Variants in REPS1 observed in about 807,000 individuals in gnomAD.
REPS1 encodes RALBP1 associated Eps domain containing 1, also known as ralBP1-associated Eps domain-containing protein 1.
A neutral mutation model predicts 100.9 loss-of-function variants in REPS1; 39 were observed. The ratio of observed to expected loss-of-function variants is 0.39; its 90% CI spans 0.30 to 0.50. The LOEUF (loss-of-function observed/expected upper bound fraction) is 0.50, where lower values mean the gene tolerates loss of function less well. Among genes scored for constraint, REPS1 ranks in the 20% least tolerant of loss-of-function variants. The probability of loss-of-function intolerance (pLI) is 0.86; values close to 1 mark genes in which losing one functional copy is unlikely to be tolerated. For missense variants in REPS1, 821 were observed against 968.5 expected (o/e 0.85, Z 2.02); for synonymous variants, 324 against 340.3 (o/e 0.95, Z 0.53).
chr6:138,982,996 A>G (rs559334263), intron 1 of REPS1, among the ~76,000 whole-genome samples: 1 of 152,350 alleles, frequency 6.6e-6, no homozygotes, highest in South Asian at 2.1e-4. Flanking sequence ...CAGATATTCT[A>G]AAATCCCTAC....
intron 10 of REPS1, among the ~76,000 whole-genome samples, chr6:138,923,928 C>T (rs1397834055): frequency 6.6e-6 from 1 of 152,050 alleles, no homozygotes; most frequent in South Asian, 2.1e-4. Context: ...TTTTTCCCCC[C>T]AGGTGATTCC....
chr6:138,980,103 G>T (rs1032097312), intron 1 of REPS1, among the ~76,000 whole-genome samples: 2 of 152,062 alleles, frequency 1.3e-5, no homozygotes, highest in Non-Finnish European at 2.9e-5. Context: ...ACATCCTTGA[G>T]TTCTTTCCCC....
At chr6:138,946,483 T>C (rs1288326977) in intron 2 of REPS1, among the ~76,000 whole-genome samples, 1 of 152,222 alleles carries the variant, frequency 6.6e-6, no homozygotes, top group African/African-American at 2.4e-5. Context: ...CTTTCGTCTC[T>C]GTTTAGAACC....
At chr6:138,925,659 T>TAAA (rs5880412) in intron 10 of REPS1, among the ~76,000 whole-genome samples, 1 of 137,858 alleles carries the variant, frequency 7.3e-6, no homozygotes, top group African/African-American at 2.8e-5. Context: ...ATCCTTGTCT[T>TAAA]AAAAAAAAAA....
chr6:138,945,557 TCAC>T lies in REPS1; in HGVS notation c.415_417del (p.Val139del). 6.2e-7 allele frequency: 1 copy of T among 1,612,402 alleles called. No individual in the cohort carries two copies. Among genetic ancestry groups the T allele is most frequent in the Non-Finnish European group, 8.5e-7 (1 of 1,179,542 alleles). On this transcript the variant is annotated inframe_deletion, in exon 3 of 20. Coordinates refer to ENST00000450536, the MANE Select transcript of REPS1 (RefSeq NM_001286611.2). ...GTATCATGGCTTACGGATCCCTTTT[TCAC>T]TTGCCCCCTGCCAGGTGGTGGGGGA...
At position 138,908,595 on chromosome 6, in the gene REPS1, C is replaced by T. The variant is rs538466285; in HGVS notation, c.2216+73G>A. ...CAGGTGTGAGCCACCACGCCTGGGC[C>T]AGTTTGATTACTTTTAATTGTCGTG... On this transcript the variant is annotated intron_variant, in intron 18 of 19. Coordinates refer to ENST00000450536, the MANE Select transcript of REPS1 (RefSeq NM_001286611.2). The T allele has an allele frequency of 3.2e-4, 493 of 1,539,570 alleles. 4 individuals are homozygous for T. In the South Asian group the frequency reaches 5.3e-3, roughly 17 times the overall value.
At position 138,912,946 on chromosome 6, in the gene REPS1, G is replaced by C; in HGVS notation, c.1790C>G (p.Pro597Arg). 2 of 1,612,772 alleles carry C rather than the reference G, an allele frequency of 1.2e-6. No homozygotes were observed. Among genetic ancestry groups the C allele is most frequent in the Non-Finnish European group, 1.7e-6 (2 of 1,179,148 alleles). Residue 597 changes from proline to arginine, a missense_variant, in exon 16 of 20, where the codon CCT (proline) becomes CGT (arginine). Transcript: ENST00000450536. ...CACTGGGCGATGCACAGCAGGACCA[G>C]GAGCCTGTGCAATGGTTCAGAACAG... Reference protein sequence around the residue: ...VPPRPQPSQAPGPAVHRPVDA... With the variant: ...VPPRPQPSQARGPAVHRPVDA...
At chr6:138,964,043 CAT>C (rs1461456207) in intron 1 of REPS1, among the ~76,000 whole-genome samples, 3 of 152,122 alleles carry the variant, frequency 2.0e-5, no homozygotes, top group Non-Finnish European at 4.4e-5. Flanking sequence ...GCAAATAGCT[CAT>C]CTCACTTTCA....
chr6:138,905,807 T>C (rs919380439), intron 19 of REPS1, among the ~76,000 whole-genome samples: 10 of 152,362 alleles, frequency 6.6e-5, no homozygotes, highest in Admixed American at 6.5e-4. Context: ...CATCTGGCTA[T>C]ATCAACTCCT....
chr6:138,929,808 T>C, intron 9 of REPS1, 169 bp downstream of exon 9: 1 of 610,800 alleles, frequency 1.6e-6, no homozygotes. Context: ...ATATATACTT[T>C]GAAAACCTCG....
At chr6:138,931,319 C>A (rs1042228836) in intron 8 of REPS1, among the ~76,000 whole-genome samples, 12 of 152,176 alleles carry the variant, frequency 7.9e-5, no homozygotes, top group Non-Finnish European at 1.5e-4. Context: ...TACATACGGG[C>A]ACTCAGGTAT....
intron 1 of REPS1, among the ~76,000 whole-genome samples, chr6:138,957,261 C>T (rs1783447098): frequency 6.6e-6 from 1 of 152,046 alleles, no homozygotes; most frequent in South Asian, 2.1e-4. Context: ...AACAAAGATC[C>T]TAAAACATTT....
intron 16 of REPS1, among the ~76,000 whole-genome samples, chr6:138,912,338 C>G (rs1460336396): frequency 1.3e-5 from 2 of 152,134 alleles, no homozygotes; most frequent in Non-Finnish European, 2.9e-5. Flanking sequence ...AGAAGTTTGG[C>G]TGAAATTTGT....
At chr6:138,983,011 C>T (rs1298860411) in intron 1 of REPS1, among the ~76,000 whole-genome samples, 1 of 152,164 alleles carries the variant, frequency 6.6e-6, no homozygotes, top group Non-Finnish European at 1.5e-5. Flanking sequence ...CCCTACTGTT[C>T]ATAAGAACTA....
chr6:138,916,656 T>A (rs1780420045), intron 13 of REPS1, among the ~76,000 whole-genome samples: 1 of 152,218 alleles, frequency 6.6e-6, no homozygotes, highest in Non-Finnish European at 1.5e-5. Flanking sequence ...CAGATATGGT[T>A]AGCTTTCAAC....
At chr6:138,905,228 G>A (rs1009522446) in intron 19 of REPS1, 96 bp from the exon 20 acceptor site, 6 of 753,022 alleles carry the variant, frequency 8.0e-6, no homozygotes, top group African/African-American at 5.3e-5. Context: ...ATTTAAATTT[G>A]TCAAGACAAC....
At chr6:138,919,305 G>A (rs1028383941) in intron 12 of REPS1, among the ~76,000 whole-genome samples, 6 of 152,066 alleles carry the variant, frequency 3.9e-5, no homozygotes, top group African/African-American at 1.4e-4. Flanking sequence ...TAGACACCAA[G>A]CTGTCACCAT....
chr6:138,907,335 T>TGTGTGTGTGG, intron 19 of REPS1, 160 bp downstream of exon 19: 1 of 485,582 alleles, frequency 2.1e-6, no homozygotes, highest in Non-Finnish European at 3.8e-6. Context: ...TGTGTGTGTG[T>TGTGTGTGTGG]GTGTGGCGGG....
chr6:138,957,048 A>G (rs992037138), intron 1 of REPS1, among the ~76,000 whole-genome samples: 2 of 152,120 alleles, frequency 1.3e-5, no homozygotes, highest in African/African-American at 2.4e-5. Context: ...ACAAAAAAAA[A>G]AGAATTCATC....
Sources: allele counts gnomAD v4.1 joint callset (sites outside exome capture counted in the v4.1 genomes callset), GRCh38; gene constraint gnomAD v4.1.1; transcripts MANE v1.5; gene names NCBI Gene and HGNC (gene_info 2026-07-23, HGNC 2026-07-21).